Variants in XPC observed in about 807,000 individuals in gnomAD.
XPC encodes XPC complex subunit, DNA damage recognition and repair factor, also known as DNA repair protein complementing XP-C cells.
Under a neutral mutation model 95.8 loss-of-function variants are expected in XPC, and 76 were observed. The observed-to-expected ratio is 0.79, with a 90% CI of 0.66 to 0.96. The LOEUF (loss-of-function observed/expected upper bound fraction) is 0.96, where lower values mean the gene tolerates loss of function less well. Among genes scored for constraint, XPC ranks in the 40% least tolerant of loss-of-function variants. The probability of loss-of-function intolerance (pLI) is 0.00; values close to 1 mark genes in which losing one functional copy is unlikely to be tolerated. For synonymous variants in XPC, 442 were observed against 442.1 expected (o/e 1.00, Z 0.00); for missense variants, 1,146 against 1,179.8 (o/e 0.97, Z 0.42).
intron 1 of XPC, among the ~76,000 whole-genome samples, chr3:14,174,446 A>C (rs1696731871): frequency 6.6e-6 from 1 of 152,220 alleles, no homozygotes; most frequent in Non-Finnish European, 1.5e-5. Flanking sequence ...AAAAAAATGC[A>C]CGTAGGAGGA....
At chr3:14,157,220 C>T (rs1439115193) in intron 9 of XPC, among the ~76,000 whole-genome samples, 1 of 152,110 alleles carries the variant, frequency 6.6e-6, no homozygotes, top group African/African-American at 2.4e-5. Context: ...GTAATGCACC[C>T]ATTTTACTTA....
In XPC at chr3:14,158,190, G is replaced by T. The variant is rs755258587; in HGVS notation, c.1693C>A (p.Pro565Thr). The T allele has an allele frequency of 6.2e-7, 1 of 1,613,944 alleles. No homozygotes were observed. The highest frequency in any genetic ancestry group is 1.7e-5 in the Admixed American group (1 of 60,012). ...TCAATGCCCACCACATAGGTCATGGGCTTGGTGGCGTACTTGTAACAGGTC... is the reference window on the plus strand; with the variant it reads ...TCAATGCCCACCACATAGGTCATGGTCTTGGTGGCGTACTTGTAACAGGTC... ...PLTCYKYATK[P>T]MTYVVGIDSD... The change falls in exon 9 of 16, where the codon CCC (proline) becomes ACC (threonine). Residue 565 changes from proline to threonine, a missense_variant. Transcript: ENST00000285021. The surrounding 1 kb of genome is among the most constrained non-coding windows in gnomAD (Gnocchi z 5.2).
chr3:14,159,606 G>T, intron 8 of XPC, 135 bp downstream of exon 8: 1 of 862,676 alleles, frequency 1.2e-6, no homozygotes, highest in Non-Finnish European at 1.8e-6. Flanking sequence ...CCCTAACACA[G>T]GGTATGTGCA....
In XPC at chr3:14,145,809, G is replaced by T; in HGVS notation, c.*132C>A. 1.7e-6 allele frequency: 2 copies of T among 1,156,492 alleles called. No individual in the cohort carries two copies. Among genetic ancestry groups the T allele is most frequent in the Non-Finnish European group, 2.5e-6 (2 of 796,602 alleles). 71.6% of individuals were successfully genotyped at this position (1,156,492 alleles called of 1,614,324 possible). A position where few individuals can be genotyped will look rare whatever the true frequency, so the allele number is the denominator to read the frequency against. ...CCTCGTCTCCCCTGACCCCGCCTCC[G>T]TGCATGCTGCCTCAGTTTGCCTTCT... On this transcript the variant is annotated 3_prime_UTR_variant, in exon 16 of 16. Transcript: ENST00000285021.
intron 5 of XPC, among the ~76,000 whole-genome samples, chr3:14,166,743 C>G (rs769331579): frequency 6.6e-6 from 1 of 152,206 alleles, no homozygotes; most frequent in Non-Finnish European, 1.5e-5. Flanking sequence ...ATCTAGAGAT[C>G]AGATACTCCT....
Position 14,146,067 on chromosome 3 carries a change from T to G in XPC, c.2697A>C (p.Ile899=), listed in dbSNP as rs773031424. 12 of 1,612,646 alleles carry G rather than the reference T, an allele frequency of 7.4e-6. No homozygotes were observed. In the African/African-American group the frequency reaches 1.5e-4, roughly 20 times the overall value. Residue 899 remains isoleucine (I), a synonymous_variant, in exon 16 of 16, where the codon ATA becomes ATC. Coordinates refer to ENST00000285021, the MANE Select transcript of XPC (RefSeq NM_004628.5). The part of the protein sequence containing the change: ...GTSSQAEAAR[I]LAASWPQNRE... Reference sequence around the variant, plus strand: ...GGTTTTGAGGCCAGGAGGCAGCCAGTATCCTGGCCGCTTCTGCTTGAGAGC... The same window carrying G: ...GGTTTTGAGGCCAGGAGGCAGCCAGGATCCTGGCCGCTTCTGCTTGAGAGC...
intron 7 of XPC, 125 bp downstream of exon 7, chr3:14,164,685 TCAA>T (rs1696300018): frequency 2.1e-6 from 2 of 940,234 alleles, no homozygotes; most frequent in Admixed American, 6.1e-5. Context: ...TCAGCAGCTA[TCAA>T]CGTCATTATG....
chr3:14,146,282 G>T, intron 15 of XPC, 123 bp from the exon 16 acceptor site: 1 of 895,012 alleles, frequency 1.1e-6, no homozygotes, highest in Non-Finnish European at 1.7e-6. Context: ...GAGGACAAGG[G>T]CATGGGACAG....
chr3:14,172,148 T>C (rs955189750), intron 2 of XPC, among the ~76,000 whole-genome samples: 1 of 152,324 alleles, frequency 6.6e-6, no homozygotes, highest in South Asian at 2.1e-4. Flanking sequence ...TGCTCATTCA[T>C]TGCAAAAATA....
In XPC at chr3:14,158,878, G is replaced by A. The variant is rs770636819; in HGVS notation, c.1005C>T (p.Ser335=). Reference sequence around the variant, plus strand: ...CTGGATCCGCAGTCAATCTTTCCTTGGAAGGTTTCTTTCCCTTAAACAGAA... The same window carrying A: ...CTGGATCCGCAGTCAATCTTTCCTTAGAAGGTTTCTTTCCCTTAAACAGAA... The part of the protein sequence containing the change: ...KSATAKGKKP[S]KERLTADPGG... Residue 335 remains serine (S), a synonymous_variant, in exon 9 of 16, where the codon TCC becomes TCT. Transcript: ENST00000285021. This position sits in a 1 kb window ranked among gnomAD's most constrained non-coding sequence, Gnocchi z 5.2. The A allele has an allele frequency of 1.9e-6, 3 of 1,613,752 alleles. No individual in the cohort carries two copies. The highest frequency in any genetic ancestry group is 1.7e-5 in the Admixed American group (1 of 59,990).
At chr3:14,168,716 T>TA (rs879621519) in intron 3 of XPC, among the ~76,000 whole-genome samples, 187 of 144,038 alleles carry the variant, frequency 1.3e-3, no homozygotes, top group Admixed American at 1.3e-3. Context: ...TAAAACTCTT[T>TA]AAAAAAAAAA....
At chr3:14,175,890 T>C (rs1696795782) in intron 1 of XPC, among the ~76,000 whole-genome samples, 1 of 152,234 alleles carries the variant, frequency 6.6e-6, no homozygotes, top group African/African-American at 2.4e-5. Context: ...GTTGTAACTC[T>C]GCAGATCCTG....
At chr3:14,164,559 C>T (rs1201797441) in intron 7 of XPC, 1 of 376,832 alleles carries the variant, frequency 2.7e-6, no homozygotes, top group Non-Finnish European at 4.7e-6. Context: ...TACACCACAA[C>T]TAGAGGCGAT....
chr3:14,162,356 C>T (rs950778842), intron 7 of XPC, among the ~76,000 whole-genome samples: 3 of 152,216 alleles, frequency 2.0e-5, no homozygotes, highest in African/African-American at 7.2e-5. Context: ...CAGAGTTACA[C>T]TGAGGCTTCC....
chr3:14,157,920 C>T (rs1311956818), intron 9 of XPC, 91 bp downstream of exon 9: 7 of 1,479,962 alleles, frequency 4.7e-6, no homozygotes, highest in Non-Finnish European at 6.3e-6. Flanking sequence ...AAACACCCAA[C>T]ATAGTGCTGG....
At position 14,175,974 on chromosome 3, in the gene XPC, T is replaced by C. The variant is rs78104372; in HGVS notation, c.103+2492A>G. ...ACTTGGGTGCATCTTTACCTCCGTT[T>C]AGGCTGAATGACACCAGCTAGCCCA... On this transcript the variant is annotated intron_variant, in intron 1 of 15. Coordinates refer to ENST00000285021, the MANE Select transcript of XPC (RefSeq NM_004628.5). 1.4e-4 allele frequency among the ~76,000 whole-genome samples: 22 copies of C among 152,322 alleles called. No individual in the cohort carries two copies. The East Asian group carries it at 4.3e-3, about 29-fold the overall frequency.
In XPC at chr3:14,146,041, C is replaced by G. The variant is rs1238647795; in HGVS notation, c.2723G>C (p.Arg908Pro). Residue 908 changes from arginine to proline, a missense_variant, in exon 16 of 16, where the codon CGA becomes CCA. Transcript: ENST00000285021. ...RILAASWPQN[R>P]EDEEKQKLKG... ...CAGCTTCTGCTTTTCTTCATCTTCTCGGTTTTGAGGCCAGGAGGCAGCCAG... is the reference window on the plus strand; with the variant it reads ...CAGCTTCTGCTTTTCTTCATCTTCTGGGTTTTGAGGCCAGGAGGCAGCCAG... The G allele has an allele frequency of 1.2e-6, 2 of 1,612,800 alleles. No individual in the cohort carries two copies. Among genetic ancestry groups the G allele is most frequent in the Non-Finnish European group, 1.7e-6 (2 of 1,179,416 alleles).
intron 7 of XPC, among the ~76,000 whole-genome samples, chr3:14,163,301 T>C (rs899439946): frequency 4.6e-5 from 7 of 152,180 alleles, no homozygotes; most frequent in Non-Finnish European, 8.8e-5. Flanking sequence ...AATATATGTA[T>C]AGACATTATT....
rs746994711 is a variant in XPC at position 14,178,487 on chromosome 3, G to T, written c.82C>A (p.Arg28=). 13 of 1,611,252 alleles carry T rather than the reference G, an allele frequency of 8.1e-6. No individual in the cohort carries two copies. Among genetic ancestry groups the T allele is most frequent in the Non-Finnish European group, 9.3e-6 (11 of 1,178,944 alleles). The part of the protein sequence containing the change: ...SQKSKAKSKA[R]REEEEEDAFE... Reference sequence around the variant, plus strand: ...TCACCCTCCTCCTCCTCCTCACGCCGGGCCTTGCTCTTGGCCTTGGATTTC... The same window carrying T: ...TCACCCTCCTCCTCCTCCTCACGCCTGGCCTTGCTCTTGGCCTTGGATTTC... The change falls in exon 1 of 16, where the codon CGG becomes AGG. Residue 28 remains arginine, a synonymous_variant. Transcript: ENST00000285021.
Sources: gnomAD v4.1 joint callset for allele counts (sites outside exome capture counted in the v4.1 genomes callset) on GRCh38, gnomAD v4.1.1 for gene constraint, Gnocchi (gnomAD v3.1) non-coding constraint, MANE v1.5 for transcripts, NCBI Gene and HGNC (gene_info 2026-07-23, HGNC 2026-07-21) for gene names.